Variants in HIVEP3 observed in about 807,000 individuals in gnomAD.
HIVEP3 encodes HIVEP zinc finger 3.
A neutral mutation model predicts 152.8 loss-of-function variants in HIVEP3; 49 were observed. The observed-to-expected ratio is 0.32, with a 90% CI of 0.26 to 0.41. The LOEUF is 0.41. Among genes scored for constraint, HIVEP3 ranks in the 10% least tolerant of loss-of-function variants. The pLI, the probability that HIVEP3 is intolerant of heterozygous loss-of-function variation, is 1.00. For missense variants in HIVEP3, 2,790 were observed against 3,103.3 expected (o/e 0.90, Z 2.40); for synonymous variants, 1,269 against 1,289.0 (o/e 0.98, Z 0.33).
intron 2 of HIVEP3, among the ~76,000 whole-genome samples, chr1:41,633,206 G>A (rs1347002925): frequency 2.6e-5 from 4 of 151,784 alleles, no homozygotes; most frequent in South Asian, 2.1e-4. Context: ...TCTCCCCCCC[G>A]CAACACCCCT....
At chr1:41,566,057 T>G (rs1424060368) in intron 5 of HIVEP3, among the ~76,000 whole-genome samples, 1 of 152,202 alleles carries the variant, frequency 6.6e-6, no homozygotes, top group Non-Finnish European at 1.5e-5. Context: ...CTTTGAGTCC[T>G]CAGAGGAAAT....
chr1:41,913,601 C>T (rs1040261833), intron 1 of HIVEP3, among the ~76,000 whole-genome samples: 2 of 151,984 alleles, frequency 1.3e-5, no homozygotes, highest in African/African-American at 2.4e-5. Context: ...CTTGCTATGT[C>T]GCCCAGGCTG....
intron 1 of HIVEP3, among the ~76,000 whole-genome samples, chr1:41,930,505 C>T (rs948479853): frequency 6.6e-6 from 1 of 152,140 alleles, no homozygotes; most frequent in Non-Finnish European, 1.5e-5. Context: ...TATATCACTT[C>T]TGTTCGCCTG....
At chr1:41,846,792 G>T (rs927662944) in intron 1 of HIVEP3, among the ~76,000 whole-genome samples, 2 of 152,180 alleles carry the variant, frequency 1.3e-5, no homozygotes, top group African/African-American at 4.8e-5. Context: ...TCAGCCTCTT[G>T]CCTGGTGCCT....
intron 5 of HIVEP3, among the ~76,000 whole-genome samples, chr1:41,544,815 ACCT>A (rs1472120385): frequency 2.2e-5 from 3 of 139,372 alleles, no homozygotes; most frequent in Non-Finnish European, 4.7e-5. Flanking sequence ...CACCACTACC[ACCT>A]CTACCACCAC....
intron 1 of HIVEP3, among the ~76,000 whole-genome samples, chr1:41,914,053 C>T (rs1024402516): frequency 6.6e-6 from 1 of 152,170 alleles, no homozygotes; most frequent in Non-Finnish European, 1.5e-5. Context: ...TATAAAGCTT[C>T]CCCCTTTATC....
intron 3 of HIVEP3, among the ~76,000 whole-genome samples, chr1:41,626,520 C>T (rs1645120301): frequency 6.6e-6 from 1 of 152,148 alleles, no homozygotes; most frequent in African/African-American, 2.4e-5. Context: ...GAGGGAAATG[C>T]CAAGTCTGCA....
chr1:41,531,335 CATAGAGGACAG>C, intron 5 of HIVEP3, among the ~76,000 whole-genome samples: 1 of 37,692 alleles, frequency 2.7e-5, no homozygotes. Context: ...GGACATGAGA[CATAGAGGACAG>C]GGGAGATGGA....
At chr1:41,666,728 G>A (rs1645802049) in intron 2 of HIVEP3, among the ~76,000 whole-genome samples, 1 of 152,054 alleles carries the variant, frequency 6.6e-6, no homozygotes, top group Admixed American at 6.6e-5. Flanking sequence ...CTGGCACCGT[G>A]CCCAGCTTAC....
intron 1 of HIVEP3, chr1:41,865,507 C>T (rs986319586): frequency 6.6e-6 from 1 of 152,314 alleles, no homozygotes; most frequent in Non-Finnish European, 1.5e-5. Context: ...GACACAGACA[C>T]ACTCTTGGGT....
chr1:41,823,066 G>C (rs939658526), intron 1 of HIVEP3, among the ~76,000 whole-genome samples: 6 of 152,160 alleles, frequency 3.9e-5, no homozygotes, highest in South Asian at 2.1e-4. Flanking sequence ...GCCCTAATCT[G>C]AAAGGGCTAT....
intron 1 of HIVEP3, among the ~76,000 whole-genome samples, chr1:41,954,778 C>G (rs564766081): frequency 1.3e-5 from 2 of 152,210 alleles, no homozygotes; most frequent in Admixed American, 6.5e-5. Context: ...GTTGCTTCAT[C>G]GCTCTTAGTC....
chr1:41,549,858 T>C lies in HIVEP3; in HGVS notation c.5208-24948A>G, dbSNP rs1282956554. Among the ~76,000 whole-genome samples, 4 of 152,260 alleles carry C rather than the reference T, an allele frequency of 2.6e-5. No homozygotes were observed. The South Asian group carries it at 8.3e-4, about 32-fold the overall frequency. On this transcript the variant is annotated intron_variant, in intron 5 of 8. Transcript: ENST00000372583. ...ACTCTGATGGTAGTTTCTTTTGCCG[T>C]GCAGAAGCTCTTTAGTTTAATTAGA...
At chr1:41,879,531 T>C (rs1245049378) in intron 1 of HIVEP3, among the ~76,000 whole-genome samples, 1 of 152,212 alleles carries the variant, frequency 6.6e-6, no homozygotes, top group Non-Finnish European at 1.5e-5. Flanking sequence ...TGCTTTAACA[T>C]ATTCTGGAGC....
rs1644389101 is a variant in HIVEP3, at chr1:41,506,917, T to A, written c.*3534A>T. The A allele has an allele frequency of 6.6e-6, 1 of 151,910 alleles. No individual in the cohort carries two copies. Among genetic ancestry groups the A allele is most frequent in the Non-Finnish European group, 1.5e-5 (1 of 68,024 alleles). The allele number at this position is 151,910 out of a possible 1,614,324, so 9.4% of individuals were successfully genotyped here. On this transcript the variant is annotated 3_prime_UTR_variant, in exon 9 of 9. Transcript: ENST00000372583. ...TTTCTGTTTCTTTTCTTTCTTTCTTTTTTTACATACTAGATTTATTAAAGT... is the reference window on the plus strand; with the variant it reads ...TTTCTGTTTCTTTTCTTTCTTTCTTATTTTACATACTAGATTTATTAAAGT...
chr1:41,513,783 G>A (rs1229921597), intron 7 of HIVEP3, 33 bp from the exon 8 acceptor site: 1 of 1,504,466 alleles, frequency 6.6e-7, no homozygotes, highest in Non-Finnish European at 8.9e-7. Flanking sequence ...CAAGGTCACA[G>A]TTGGGCCTTG....
intron 1 of HIVEP3, among the ~76,000 whole-genome samples, chr1:41,733,279 G>GTCCT (rs1646868974): frequency 6.6e-6 from 1 of 152,200 alleles, no homozygotes; most frequent in Non-Finnish European, 1.5e-5. Context: ...GGGATGGGAT[G>GTCCT]TCCTTGGATT....
At chr1:41,899,195 C>T (rs931672807) in intron 1 of HIVEP3, among the ~76,000 whole-genome samples, 2 of 152,302 alleles carry the variant, frequency 1.3e-5, no homozygotes, top group Admixed American at 6.5e-5. Flanking sequence ...GAAGAAATAA[C>T]TTGTTCACTA....
chr1:41,548,045 C>T (rs1040599142), intron 5 of HIVEP3, among the ~76,000 whole-genome samples: 3 of 152,186 alleles, frequency 2.0e-5, no homozygotes, highest in Non-Finnish European at 4.4e-5. Flanking sequence ...CATCCCCATG[C>T]CTTTGTTAAC....
Sources: gnomAD v4.1 joint callset for allele counts (sites outside exome capture counted in the v4.1 genomes callset) on GRCh38, gnomAD v4.1.1 for gene constraint, MANE v1.5 for transcripts, NCBI Gene and HGNC (gene_info 2026-07-23, HGNC 2026-07-21) for gene names.